The following PTPN14 variants were observed in gnomAD, a reference collection of about 807,000 sequenced individuals.
PTPN14 encodes tyrosine-protein phosphatase non-receptor type 14.
PTPN14 carries 53 observed loss-of-function variants against 126.8 expected under a neutral mutation model. The ratio of observed to expected loss-of-function variants is 0.42; its 90% confidence interval spans 0.34 to 0.53. The LOEUF (loss-of-function observed/expected upper bound fraction) is 0.53. Among genes scored for constraint, PTPN14 ranks in the 20% least tolerant of loss-of-function variants. The pLI, the probability that PTPN14 is intolerant of heterozygous loss-of-function variation, is 0.08. For synonymous variants in PTPN14, 630 were observed against 599.3 expected, an observed-to-expected ratio of 1.05 and a Z score of -0.75; for missense variants, 1,257 against 1,552.9, an observed-to-expected ratio of 0.81 and a Z score of 3.20.
intron 3 of PTPN14, among the ~76,000 whole-genome samples, chr1:214,423,954 C>G (rs925546823): frequency 3.3e-5 from 5 of 151,852 alleles, no homozygotes; most frequent in African/African-American, 1.2e-4. Flanking sequence ...GCACTCCAGC[C>G]TGGGTGACAG....
rs796733835 is a variant in PTPN14, at chr1:214,386,727, G to C, written c.1066+117C>G. 90 of 1,086,882 alleles carry C rather than the reference G, an allele frequency of 8.3e-5. No individual in the cohort carries two copies. In the African/African-American group the frequency reaches 1.1e-3, roughly 14 times the overall value. 67.3% of individuals were successfully genotyped at this position (1,086,882 alleles called of 1,614,324 possible). A position where few individuals can be genotyped will look rare whatever the true frequency, so the allele number is the denominator to read the frequency against. On this transcript the variant is annotated intron_variant, in intron 12 of 18. Coordinates refer to ENST00000366956, the MANE Select transcript of PTPN14 (RefSeq NM_005401.5). ...TGAAGCTGTTAGCTACTGTCATTCA[G>C]ACGATGACAAAGTTGAAAAGAAAGC...
intron 2 of PTPN14, among the ~76,000 whole-genome samples, chr1:214,455,231 C>T (rs77610729): frequency 0.057 from 8,753 of 152,264 alleles, 309 homozygotes; most frequent in South Asian, 0.16. Context: ...CAGCTGAGAC[C>T]CCACCAGGCT....
chr1:214,368,524 T>G (rs113994461), intron 17 of PTPN14, among the ~76,000 whole-genome samples: 1,761 of 152,150 alleles, frequency 0.012, 31 homozygotes, highest in African/African-American at 0.039. Context: ...TATTTCTCCT[T>G]TTTTTTAAAA....
intron 18 of PTPN14, among the ~76,000 whole-genome samples, chr1:214,358,848 T>A (rs1244834316): frequency 6.6e-6 from 1 of 151,194 alleles, no homozygotes; most frequent in Non-Finnish European, 1.5e-5. Context: ...GTTCAAGAAA[T>A]ACTCCTGCCT....
intron 6 of PTPN14, among the ~76,000 whole-genome samples, 186 bp from the exon 7 acceptor site, chr1:214,401,958 A>G (rs1326790046): frequency 6.6e-6 from 1 of 152,308 alleles, no homozygotes; most frequent in Non-Finnish European, 1.5e-5. Flanking sequence ...GTAGCCTTTT[A>G]CTTAACAGCG....
At chr1:214,401,152 T>C (rs965768238) in intron 7 of PTPN14, among the ~76,000 whole-genome samples, 8 of 152,118 alleles carry the variant, frequency 5.3e-5, no homozygotes, top group African/African-American at 1.4e-4. Context: ...CTGCAAAGGA[T>C]GTGATGTGCT....
In PTPN14 at chr1:214,350,706, A is replaced by ATTTTTTTTTTTTTTTTTTTTTTTTT. The variant is rs1491278063; in HGVS notation, c.*7215_*7216insAAAAAAAAAAAAAAAAAAAAAAAAA. On this transcript the variant is annotated 3_prime_UTR_variant, in exon 19 of 19. Transcript: ENST00000366956. Reference sequence around the variant, plus strand: ...CAGGCATGTGCCACCATGCCTGGCTAATTTTTTTTTTTTTTTTTTTTTTTG... The same window carrying ATTTTTTTTTTTTTTTTTTTTTTTTT: ...CAGGCATGTGCCACCATGCCTGGCTATTTTTTTTTTTTTTTTTTTTTTTTTATTTTTTTTTTTTTTTTTTTTTTTG... 1 of 49,448 alleles carries ATTTTTTTTTTTTTTTTTTTTTTTTT rather than the reference A, an allele frequency of 2.0e-5. No individual in the cohort carries two copies. Among genetic ancestry groups the ATTTTTTTTTTTTTTTTTTTTTTTTT allele is most frequent in the Non-Finnish European group, 3.5e-5 (1 of 28,820 alleles). 3.1% of individuals were successfully genotyped at this position (49,448 alleles called of 1,614,324 possible). A position where few individuals can be genotyped will look rare whatever the true frequency, so the allele number is the denominator to read the frequency against.
intron 3 of PTPN14, among the ~76,000 whole-genome samples, chr1:214,445,079 A>G (rs1301170033): frequency 3.9e-5 from 6 of 152,334 alleles, no homozygotes; most frequent in Middle Eastern, 6.8e-3. Flanking sequence ...ACAGAGATTA[A>G]GTATTTTAAA....
At chr1:214,458,658 A>T (rs2102643907) in intron 2 of PTPN14, among the ~76,000 whole-genome samples, 1 of 152,324 alleles carries the variant, frequency 6.6e-6, no homozygotes, top group Non-Finnish European at 1.5e-5. Flanking sequence ...CAGAACCAGG[A>T]TTCAAACTCA....
chr1:214,539,740 TTGA>T (rs1295383393), intron 1 of PTPN14, among the ~76,000 whole-genome samples: 1 of 152,120 alleles, frequency 6.6e-6, no homozygotes, highest in Non-Finnish European at 1.5e-5. Flanking sequence ...GGAAAGCAGT[TTGA>T]ATAACTACTA....
At chr1:214,405,484 C>G (rs968044784) in intron 5 of PTPN14, among the ~76,000 whole-genome samples, 1 of 152,030 alleles carries the variant, frequency 6.6e-6, no homozygotes, top group Non-Finnish European at 1.5e-5. Context: ...ATACATGCTT[C>G]TTGAACTGAA....
At chr1:214,512,939 G>A (rs1255430107) in intron 1 of PTPN14, among the ~76,000 whole-genome samples, 3 of 152,102 alleles carry the variant, frequency 2.0e-5, no homozygotes, top group East Asian at 1.9e-4. Context: ...CGATCTGCCC[G>A]CCTCAGCCTC....
At chr1:214,499,914 C>T (rs1288657654) in intron 1 of PTPN14, among the ~76,000 whole-genome samples, 1 of 151,898 alleles carries the variant, frequency 6.6e-6, no homozygotes, top group Non-Finnish European at 1.5e-5. Context: ...GAACTCTTAC[C>T]CTCGTGACAC....
intron 3 of PTPN14, among the ~76,000 whole-genome samples, chr1:214,427,170 C>T (rs1283320819): frequency 1.1e-4 from 16 of 146,542 alleles, no homozygotes; most frequent in Non-Finnish European, 2.2e-4. Context: ...CCCAGCTGCT[C>T]GGGAGGCTAA....
intron 3 of PTPN14, among the ~76,000 whole-genome samples, chr1:214,422,346 A>T (rs1464026279): frequency 6.6e-6 from 1 of 152,150 alleles, no homozygotes; most frequent in Non-Finnish European, 1.5e-5. Flanking sequence ...ACAGCATTAA[A>T]CCAGGTGGGC....
chr1:214,458,157 C>T (rs115972361), intron 2 of PTPN14, among the ~76,000 whole-genome samples: 3,111 of 152,228 alleles, frequency 0.02, 103 homozygotes, highest in African/African-American at 0.07. Context: ...TCAAGGGATC[C>T]TCCTGCCTCA....
rs1658845250 is a variant in PTPN14 at position 214,394,991 on chromosome 1, T to G, written c.759-5A>C. ...ATATTCCCCATGTCATTCCACCTGG[T>G]TAGAAGAAATGTCACTGTGTTTACT... On this transcript the variant is annotated splice_region_variant and splice_polypyrimidine_tract_variant and intron_variant, in intron 8 of 18. Transcript: ENST00000366956. 2 of 1,604,496 alleles carry G rather than the reference T, an allele frequency of 1.2e-6. No homozygotes were observed. The highest frequency in any genetic ancestry group is 1.7e-6 in the Non-Finnish European group (2 of 1,171,466).
intron 2 of PTPN14, among the ~76,000 whole-genome samples, chr1:214,455,545 C>T (rs1660362998): frequency 6.6e-6 from 1 of 152,150 alleles, no homozygotes; most frequent in Non-Finnish European, 1.5e-5. Flanking sequence ...ACACACAGCT[C>T]TGGTGCCATG....
chr1:214,504,154 T>C (rs774382325), intron 1 of PTPN14, among the ~76,000 whole-genome samples: 21 of 152,184 alleles, frequency 1.4e-4, no homozygotes, highest in East Asian at 3.9e-4. Flanking sequence ...ATTTACATTA[T>C]AGAACATTGA....
Sources: gnomAD v4.1 joint callset for allele counts (sites outside exome capture counted in the v4.1 genomes callset) on GRCh38, gnomAD v4.1.1 for gene constraint, MANE v1.5 for transcripts, NCBI Gene and HGNC (gene_info 2026-07-23, HGNC 2026-07-21) for gene names.